The following LAMA2 variants were observed in gnomAD, a reference collection of about 807,000 sequenced individuals.
LAMA2 encodes the protein laminin subunit alpha-2.
A neutral mutation model predicts 364.8 loss-of-function variants in LAMA2; 269 were observed. The ratio of observed to expected loss-of-function variants is 0.74; its 90% CI spans 0.67 to 0.82. The LOEUF is 0.82. Among genes scored for constraint, LAMA2 ranks in the 40% least tolerant of loss-of-function variants. LAMA2 has a pLI of 0.00. For synonymous variants in LAMA2, 1,379 were observed against 1,370.6 expected (o/e 1.01, Z -0.14); for missense variants, 3,807 against 3,873.2 (o/e 0.98, Z 0.45).
intron 1 of LAMA2, among the ~76,000 whole-genome samples, chr6:129,021,254 G>T (rs2114714429): frequency 6.6e-6 from 1 of 152,164 alleles, no homozygotes; most frequent in East Asian, 1.9e-4. Context: ...GACTTATTTA[G>T]GACATTATGT....
chr6:129,020,272 G>A (rs981615045), intron 1 of LAMA2, among the ~76,000 whole-genome samples: 16 of 152,186 alleles, frequency 1.1e-4, no homozygotes, highest in African/African-American at 3.4e-4. Flanking sequence ...CTGGAGGAGA[G>A]GTGGTTACAA....
intron 1 of LAMA2, among the ~76,000 whole-genome samples, chr6:128,927,899 C>T (rs554006664): frequency 6.6e-6 from 1 of 151,566 alleles, no homozygotes; most frequent in East Asian, 1.9e-4. Flanking sequence ...TGAAATGTGG[C>T]TTTAAAAAAA....
At chr6:129,265,037 T>C (rs1787411672) in intron 15 of LAMA2, among the ~76,000 whole-genome samples, 1 of 152,146 alleles carries the variant, frequency 6.6e-6, no homozygotes, top group Non-Finnish European at 1.5e-5. Flanking sequence ...GATCATATTT[T>C]TTTGTGCTGA....
At chr6:129,319,181 T>C (rs1255486656) in intron 27 of LAMA2, among the ~76,000 whole-genome samples, 1 of 152,176 alleles carries the variant, frequency 6.6e-6, no homozygotes, top group Non-Finnish European at 1.5e-5. Flanking sequence ...TAGGTGGTTT[T>C]CTAAAGTTCC....
chr6:129,013,391 C>A (rs966562425), intron 1 of LAMA2, among the ~76,000 whole-genome samples: 3 of 151,852 alleles, frequency 2.0e-5, no homozygotes, highest in Non-Finnish European at 4.4e-5. Context: ...GAGCCGAGAT[C>A]GCGCCACTGC....
At chr6:129,056,102 T>C (rs569761954) in intron 2 of LAMA2, among the ~76,000 whole-genome samples, 387 of 152,294 alleles carry the variant, frequency 2.5e-3, no homozygotes, top group Non-Finnish European at 4.0e-3. Flanking sequence ...GATTTAGAAA[T>C]GGGGTTGTAT....
At chr6:129,468,271 A>G (rs111743486) in intron 51 of LAMA2, among the ~76,000 whole-genome samples, 9 of 151,806 alleles carry the variant, frequency 5.9e-5, no homozygotes, top group Non-Finnish European at 1.5e-5. Flanking sequence ...TTCTTAAATT[A>G]GACTGGGAAC....
At chr6:128,979,615 G>A (rs993252863) in intron 1 of LAMA2, among the ~76,000 whole-genome samples, 51 of 152,284 alleles carry the variant, frequency 3.3e-4, no homozygotes, top group African/African-American at 1.2e-3. Context: ...CAAAGTGTTC[G>A]CTAACTCACC....
Position 129,516,095 on chromosome 6 carries a change from A to G in LAMA2, c.9212-95A>G, listed in dbSNP as rs149287177. On this transcript the variant is annotated intron_variant, in intron 64 of 64. Coordinates refer to ENST00000421865, the MANE Select transcript of LAMA2 (RefSeq NM_000426.4). ...TAACTTTGCATAAAACAGCATTCCA[A>G]TTTAATCTCAAGCTAACAGTTGACT... 3.5e-5 allele frequency: 48 copies of G among 1,364,596 alleles called. 1 individual carries two copies. In the East Asian group the frequency reaches 1.0e-3, roughly 29 times the overall value. The allele number at this position is 1,364,596 out of a possible 1,614,324, so 84.5% of individuals were successfully genotyped here. A position where few individuals can be genotyped will look rare whatever the true frequency, so the allele number is the denominator to read the frequency against.
At chr6:129,398,467 C>CTTT (rs1779780300) in intron 37 of LAMA2, among the ~76,000 whole-genome samples, 1 of 124,644 alleles carries the variant, frequency 8.0e-6, no homozygotes, top group African/African-American at 3.2e-5. Flanking sequence ...TCTTTCTTTT[C>CTTT]TTTTCTTTTT....
At chr6:128,964,688 G>A (rs1250494321) in intron 1 of LAMA2, among the ~76,000 whole-genome samples, 1 of 151,996 alleles carries the variant, frequency 6.6e-6, no homozygotes, top group Non-Finnish European at 1.5e-5. Context: ...TTTCACAGAT[G>A]TATCACTTGA....
At chr6:129,373,603 A>G (rs1215623180) in intron 34 of LAMA2, among the ~76,000 whole-genome samples, 2 of 152,144 alleles carry the variant, frequency 1.3e-5, no homozygotes, top group East Asian at 1.9e-4. Context: ...AGGATACTAC[A>G]TTACATTTAG....
chr6:128,883,263 G>A lies in LAMA2; in HGVS notation c.18G>A (p.Gly6=), dbSNP rs1466207194. 4 of 1,558,926 alleles carry A rather than the reference G, an allele frequency of 2.6e-6. No individual in the cohort carries two copies. The South Asian group carries it at 4.7e-5, about 18-fold the overall frequency. The change falls in exon 1 of 65, where the codon GGG becomes GGA. Residue 6 remains glycine (G), a synonymous_variant. Coordinates refer to ENST00000421865, the MANE Select transcript of LAMA2 (RefSeq NM_000426.4). ...CCACTACGATGCCGGGAGCCGCCGG[G>A]GTCCTCCTCCTTCTGCTGCTCTCCG... The part of the protein sequence containing the change: MPGAA[G]VLLLLLLSGG...
At chr6:129,158,012 G>C in intron 8 of LAMA2, 1 of 1,613,522 alleles carries the variant, frequency 6.2e-7, no homozygotes. Flanking sequence ...CATTTTTCTT[G>C]ATGAGGATGT....
At chr6:129,023,487 C>A (rs1479747448) in intron 1 of LAMA2, among the ~76,000 whole-genome samples, 1 of 152,118 alleles carries the variant, frequency 6.6e-6, no homozygotes, top group Non-Finnish European at 1.5e-5. Context: ...TTTGAAAAGT[C>A]TAACATCTAG....
chr6:129,483,752 T>G (rs1784465970), intron 55 of LAMA2, among the ~76,000 whole-genome samples: 1 of 152,174 alleles, frequency 6.6e-6, no homozygotes, highest in Non-Finnish European at 1.5e-5. Flanking sequence ...AGCTATCATG[T>G]TAATTCATGT....
chr6:129,326,733 T>A (rs963881313), intron 28 of LAMA2, among the ~76,000 whole-genome samples: 10 of 132,618 alleles, frequency 7.5e-5, no homozygotes, highest in East Asian at 2.1e-4. Context: ...ATTATATATA[T>A]TTTATATATT....
At chr6:129,260,688 A>T in intron 14 of LAMA2, 23 bp from the exon 15 acceptor site, 1 of 1,393,664 alleles carries the variant, frequency 7.2e-7, no homozygotes, top group Non-Finnish European at 1.0e-6. Context: ...CTTATTCACC[A>T]TCTCTTTTTT....
intron 1 of LAMA2, among the ~76,000 whole-genome samples, chr6:128,926,690 T>C (rs1306138451): frequency 6.6e-6 from 1 of 152,342 alleles, no homozygotes; most frequent in East Asian, 1.9e-4. Context: ...CTTTTTAATA[T>C]TGGTAATCCT....
Sources: allele counts gnomAD v4.1 joint callset (sites outside exome capture counted in the v4.1 genomes callset), GRCh38; gene constraint gnomAD v4.1.1; transcripts MANE v1.5; gene names NCBI Gene and HGNC (gene_info 2026-07-23, HGNC 2026-07-21).